The following GPAM variants were observed in gnomAD, a reference collection of about 807,000 sequenced individuals.
GPAM encodes glycerol-3-phosphate acyltransferase, mitochondrial.
In GPAM, 56 loss-of-function variants were observed where a neutral mutation model predicts 105.0. The observed-to-expected ratio is 0.53, with a 90% CI of 0.43 to 0.67. The LOEUF (loss-of-function observed/expected upper bound fraction) is 0.67. Among genes scored for constraint, GPAM ranks in the 30% least tolerant of loss-of-function variants. The pLI, the probability that GPAM is intolerant of heterozygous loss-of-function variation, is 0.00. For synonymous variants in GPAM, 368 were observed against 354.4 expected (o/e 1.04, Z -0.43); for missense variants, 855 against 989.8 (o/e 0.86, Z 1.83).
At chr10:112,163,537 C>A (rs1847160708) in intron 14 of GPAM, among the ~76,000 whole-genome samples, 164 bp downstream of exon 14, 1 of 152,230 alleles carries the variant, frequency 6.6e-6, no homozygotes, top group Admixed American at 6.5e-5. Flanking sequence ...CTCCAATTAT[C>A]TCAAATCCTC....
chr10:112,213,119 A>G (rs1029917091), intron 1 of GPAM, among the ~76,000 whole-genome samples: 3 of 152,226 alleles, frequency 2.0e-5, no homozygotes, highest in African/African-American at 7.2e-5. Flanking sequence ...CAATAGGCCC[A>G]GCTGAATGAA....
intron 6 of GPAM, among the ~76,000 whole-genome samples, chr10:112,174,367 T>A (rs1430231057): frequency 6.6e-6 from 1 of 152,192 alleles, no homozygotes; most frequent in Non-Finnish European, 1.5e-5. Flanking sequence ...AACCAGTAAT[T>A]TTTAAAAGGC....
chr10:112,159,216 CT>C (rs35513817), intron 17 of GPAM, among the ~76,000 whole-genome samples: 1,217 of 86,944 alleles, frequency 0.014, 12 homozygotes, highest in African/African-American at 0.046. Flanking sequence ...AGATGATTTT[CT>C]TTTTTTTTTT....
chr10:112,151,053 GA>G lies in GPAM; in HGVS notation c.*2496del. 1.0e-6 allele frequency: 1 copy of G among 984,732 alleles called. No individual in the cohort carries two copies. The highest frequency in any genetic ancestry group is 1.2e-6 in the Non-Finnish European group (1 of 829,518). 61.0% of individuals were successfully genotyped at this position (984,732 alleles called of 1,614,324 possible). On this transcript the variant is annotated 3_prime_UTR_variant, in exon 22 of 22. Coordinates refer to ENST00000348367, the MANE Select transcript of GPAM (RefSeq NM_001244949.2). ...GTGCACAACTTCCCTCCTCTCTTCT[GA>G]ATCACTTAGGACATTCTCATTTTCA...
At chr10:112,164,371 T>C (rs1189166352) in intron 13 of GPAM, among the ~76,000 whole-genome samples, 154 bp downstream of exon 13, 2 of 152,198 alleles carry the variant, frequency 1.3e-5, no homozygotes, top group South Asian at 2.1e-4. Flanking sequence ...TATGAAAACA[T>C]GTCATCTCAA....
intron 1 of GPAM, among the ~76,000 whole-genome samples, chr10:112,191,501 G>A (rs1847658292): frequency 1.3e-5 from 2 of 152,342 alleles, no homozygotes; most frequent in Admixed American, 6.5e-5. Context: ...TAGCTTGAAT[G>A]TCTCTTAATT....
intron 14 of GPAM, 33 bp from the exon 15 acceptor site, chr10:112,161,770 C>A (rs769881621): frequency 6.4e-6 from 10 of 1,562,392 alleles, no homozygotes; most frequent in Non-Finnish European, 8.8e-6. Flanking sequence ...TTTTTAGTTG[C>A]ACTTTTTACA....
Position 112,164,610 on chromosome 10 carries a change from C to T in GPAM, c.1222G>A (p.Glu408Lys), listed in dbSNP as rs770444164. 1 of 1,564,394 alleles carries T rather than the reference C, an allele frequency of 6.4e-7. No individual in the cohort carries two copies. Reference protein sequence around the residue: ...VDFAQPFSLKEYLESQSQKPV... With the variant: ...VDFAQPFSLKKYLESQSQKPV... ...TTCTGACTTTGGCTTTCTAAATATT[C>T]CTGGAGAAAAAAACACAACATGATC... Residue 408 changes from glutamate to lysine, a missense_variant and splice_region_variant, in exon 13 of 22, where the codon GAA (glutamate) becomes AAA (lysine). Physicochemically the swap from Glu to Lys is moderately conservative, Grantham distance 56. Coordinates refer to ENST00000348367, the MANE Select transcript of GPAM (RefSeq NM_001244949.2).
chr10:112,202,097 C>T (rs570928505), intron 1 of GPAM, among the ~76,000 whole-genome samples: 2 of 152,280 alleles, frequency 1.3e-5, no homozygotes, highest in Admixed American at 6.5e-5. Context: ...TATCTGACTC[C>T]AACACTCATT....
At chr10:112,161,019 G>T in intron 15 of GPAM, 151 bp from the exon 16 acceptor site, 1 of 690,884 alleles carries the variant, frequency 1.4e-6, no homozygotes, top group Admixed American at 2.3e-5. Context: ...CCAATGCAGA[G>T]CGAGTCAGAA....
intron 3 of GPAM, 62 bp downstream of exon 3, chr10:112,181,621 A>C: frequency 1.1e-6 from 1 of 906,964 alleles, no homozygotes; most frequent in Non-Finnish European, 1.9e-6. Flanking sequence ...TTGCACCTTC[A>C]TAAACATCAT....
chr10:112,154,875 T>C, intron 20 of GPAM, 188 bp from the exon 21 acceptor site: 2 of 656,230 alleles, frequency 3.0e-6, no homozygotes, highest in Non-Finnish European at 5.5e-6. Context: ...AAACCTACTT[T>C]GCTTACACCT....
intron 1 of GPAM, among the ~76,000 whole-genome samples, chr10:112,202,659 C>T (rs547662563): frequency 3.2e-4 from 48 of 152,216 alleles, no homozygotes; most frequent in African/African-American, 9.6e-4. Context: ...CCATAAAATA[C>T]CTACATAAAT....
chr10:112,193,059 C>T (rs772531783), intron 1 of GPAM, among the ~76,000 whole-genome samples: 5 of 152,242 alleles, frequency 3.3e-5, no homozygotes, highest in Non-Finnish European at 7.3e-5. Flanking sequence ...CTGTGTCAGT[C>T]ATGGCGCCAT....
Position 112,160,809 on chromosome 10 carries a change from A to G in GPAM, c.1554T>C (p.Ala518=). 1 of 1,613,772 alleles carries G rather than the reference A, an allele frequency of 6.2e-7. No individual in the cohort carries two copies. The highest frequency in any genetic ancestry group is 2.2e-5 in the East Asian group (1 of 44,868). Residue 518 remains alanine (A), a synonymous_variant, in exon 16 of 22, where the codon GCT becomes GCC. Coordinates refer to ENST00000348367, the MANE Select transcript of GPAM (RefSeq NM_001244949.2). ...DFFVMKEEVL[A]RDFDLGFSGN... ...CTGAGAACCCCAGGTCAAAATCACG[A>G]GCCAGGACTTCCTCTTTCATCACAA...
At chr10:112,176,044 A>G (rs563846270) in intron 5 of GPAM, among the ~76,000 whole-genome samples, 1 of 152,376 alleles carries the variant, frequency 6.6e-6, no homozygotes, top group South Asian at 2.1e-4. Flanking sequence ...AATGCTATAT[A>G]TAAGCTATAT....
At chr10:112,168,563 C>T in intron 10 of GPAM, 39 bp from the exon 11 acceptor site, 1 of 1,319,066 alleles carries the variant, frequency 7.6e-7, no homozygotes, top group Non-Finnish European at 1.1e-6. Context: ...CATTCAAGAC[C>T]ACTCAACTTA....
chr10:112,184,334 A>G (rs1847564803), upstream of GPAM, among the ~76,000 whole-genome samples: 1 of 152,208 alleles, frequency 6.6e-6, no homozygotes, highest in Admixed American at 6.5e-5. Context: ...AGTAAATAAT[A>G]ATGTATTATA....
chr10:112,151,327 T>C lies in GPAM; in HGVS notation c.*2223A>G, dbSNP rs184631230. 1,506 of 985,798 alleles carry C rather than the reference T, an allele frequency of 1.5e-3. 13 individuals are homozygous for C. In the African/African-American group the frequency reaches 0.023, roughly 15 times the overall value. 61.1% of individuals were successfully genotyped at this position (985,798 alleles called of 1,614,324 possible). A position where few individuals can be genotyped will look rare whatever the true frequency, so the allele number is the denominator to read the frequency against. ...CTTCATTGTGAAGATGCTTTCGTTT[T>C]TTTGTTTTTTGTTTTCAGTCATGAG... On this transcript the variant is annotated 3_prime_UTR_variant, in exon 22 of 22. Coordinates refer to ENST00000348367, the MANE Select transcript of GPAM (RefSeq NM_001244949.2).
Sources: gnomAD v4.1 joint callset for allele counts (sites outside exome capture counted in the v4.1 genomes callset) on GRCh38, gnomAD v4.1.1 for gene constraint, MANE v1.5 for transcripts, NCBI Gene and HGNC (gene_info 2026-07-23, HGNC 2026-07-21) for gene names.